Variants in ABI3BP observed in about 807,000 individuals in gnomAD.
The protein encoded by ABI3BP is ABI family member 3 binding protein, also known as target of Nesh-SH3.
Under a neutral mutation model 268.6 loss-of-function variants are expected in ABI3BP, and 216 were observed. That is an observed-to-expected ratio of 0.80 (90% CI 0.72 to 0.90). The LOEUF is 0.90. Among genes scored for constraint, ABI3BP ranks in the 40% least tolerant of loss-of-function variants. The pLI is 0.00. For synonymous variants in ABI3BP, 730 were observed against 730.0 expected (o/e 1.00, Z 0.00); for missense variants, 2,090 against 2,182.4 (o/e 0.96, Z 0.84).
intron 63 of ABI3BP, among the ~76,000 whole-genome samples, chr3:100,763,624 C>A (rs937754421): frequency 6.6e-6 from 1 of 151,982 alleles, no homozygotes; most frequent in African/African-American, 2.4e-5. Context: ...ATAAAGAGGG[C>A]CATACTGTCT....
chr3:100,752,691 C>G, intron 66 of ABI3BP, 96 bp downstream of exon 66: 2 of 1,356,278 alleles, frequency 1.5e-6, no homozygotes, highest in Non-Finnish European at 2.0e-6. Context: ...AGCACCCATT[C>G]GTGCCTGAAA....
At chr3:100,871,669 A>G (rs552903968) in intron 9 of ABI3BP, among the ~76,000 whole-genome samples, 44 of 152,302 alleles carry the variant, frequency 2.9e-4, no homozygotes, top group African/African-American at 1.1e-3. Flanking sequence ...CTTGCCTTCC[A>G]TCACGAATGT....
intron 50 of ABI3BP, among the ~76,000 whole-genome samples, chr3:100,805,750 G>C (rs2097688305): frequency 6.6e-6 from 1 of 151,938 alleles, no homozygotes; most frequent in Non-Finnish European, 1.5e-5. Flanking sequence ...CAGTTCTGCA[G>C]GTCAGATTTT....
At chr3:100,800,425 C>G (rs1376546172) in intron 51 of ABI3BP, among the ~76,000 whole-genome samples, 1 of 152,146 alleles carries the variant, frequency 6.6e-6, no homozygotes, top group African/African-American at 2.4e-5. Context: ...GTCTTCATCT[C>G]TCAATAATCT....
chr3:100,906,422 C>A (rs1420043086), intron 2 of ABI3BP, among the ~76,000 whole-genome samples: 1 of 152,118 alleles, frequency 6.6e-6, no homozygotes, highest in Admixed American at 6.5e-5. Flanking sequence ...AGTATTTGTG[C>A]TCTATTGGGG....
intron 1 of ABI3BP, among the ~76,000 whole-genome samples, chr3:100,976,947 G>A (rs1394163644): frequency 1.3e-5 from 2 of 152,242 alleles, no homozygotes; most frequent in African/African-American, 4.8e-5. Flanking sequence ...AAGGCCTCTG[G>A]AGATGTGGTC....
intron 4 of ABI3BP, among the ~76,000 whole-genome samples, chr3:100,889,163 C>A (rs2043314822): frequency 6.6e-6 from 1 of 152,094 alleles, no homozygotes; most frequent in Non-Finnish European, 1.5e-5. Flanking sequence ...TAAATTTCTG[C>A]ATTATACATT....
At chr3:100,872,246 A>AT (rs1425589282) in intron 9 of ABI3BP, among the ~76,000 whole-genome samples, 1 of 152,156 alleles carries the variant, frequency 6.6e-6, no homozygotes, top group Non-Finnish European at 1.5e-5. Flanking sequence ...ATTTGCATTT[A>AT]TTTTTTCTTT....
At chr3:100,864,298 A>G (rs2099028627) in intron 11 of ABI3BP, 5 of 531,146 alleles carry the variant, frequency 9.4e-6, no homozygotes, top group Admixed American at 3.2e-5. Context: ...ACATCAAATT[A>G]CAGAACAAAA....
intron 1 of ABI3BP, among the ~76,000 whole-genome samples, chr3:100,962,475 A>G (rs2079496662): frequency 1.3e-5 from 2 of 152,104 alleles, no homozygotes; most frequent in Non-Finnish European, 2.9e-5. Context: ...GTAACAAAAC[A>G]TTGTCCTCAT....
chr3:100,882,172 C>A (rs1043761599), intron 6 of ABI3BP, among the ~76,000 whole-genome samples: 2 of 152,096 alleles, frequency 1.3e-5, no homozygotes, highest in Non-Finnish European at 1.5e-5. Context: ...TTCAATGTGT[C>A]TTTTTGCTTG....
At chr3:100,976,520 G>A (rs568752607) in intron 1 of ABI3BP, among the ~76,000 whole-genome samples, 119 of 152,210 alleles carry the variant, frequency 7.8e-4, no homozygotes, top group Non-Finnish European at 1.5e-3. Flanking sequence ...CCTCTTGCTA[G>A]GATATAAATT....
In ABI3BP at chr3:100,842,597, TA is replaced by T. The variant is rs568085265; in HGVS notation, c.1724-559del. Among the ~76,000 whole-genome samples the T allele has an allele frequency of 4.0e-4, 61 of 152,358 alleles. No individual in the cohort carries two copies. The South Asian group carries it at 0.012, about 31-fold the overall frequency. On this transcript the variant is annotated intron_variant, in intron 20 of 67. Transcript: ENST00000471714. ...AACAAATTGGTTCACATATGAAACTTAACCCATTTGGACTGGTAAACCAATG... is the reference window on the plus strand; with the variant it reads ...AACAAATTGGTTCACATATGAAACTTACCCATTTGGACTGGTAAACCAATG...
Position 100,805,438 on chromosome 3 carries a change from A to G in ABI3BP, c.3683-572T>C, listed in dbSNP as rs544289627. Among the ~76,000 whole-genome samples, 4 of 152,222 alleles carry G rather than the reference A, an allele frequency of 2.6e-5. No individual in the cohort carries two copies. In the South Asian group the frequency reaches 8.3e-4, roughly 32 times the overall value. ...TGCTGACAACTAAAATTAGATTTCC[A>G]CAACTGTTCCTTGGGAATAATAAGG... On this transcript the variant is annotated intron_variant, in intron 50 of 67. Transcript: ENST00000471714.
At chr3:100,839,974 C>T in intron 23 of ABI3BP, 98 bp downstream of exon 23, 1 of 964,252 alleles carries the variant, frequency 1.0e-6, no homozygotes, top group Non-Finnish European at 1.6e-6. Context: ...GTCAATTCCA[C>T]TGGTTCCTAA....
At chr3:100,799,202 A>G (rs2097448716) in intron 51 of ABI3BP, among the ~76,000 whole-genome samples, 2 of 152,064 alleles carry the variant, frequency 1.3e-5, no homozygotes, top group South Asian at 2.1e-4. Flanking sequence ...AAAAAACTAT[A>G]TATCTGCCTT....
chr3:100,859,880 C>T (rs566512680), intron 14 of ABI3BP, among the ~76,000 whole-genome samples: 3 of 152,170 alleles, frequency 2.0e-5, no homozygotes, highest in South Asian at 2.1e-4. Flanking sequence ...TAAACTACAT[C>T]GATAAGGTAG....
intron 1 of ABI3BP, among the ~76,000 whole-genome samples, chr3:100,962,302 G>A (rs888802554): frequency 1.3e-5 from 2 of 152,134 alleles, no homozygotes; most frequent in African/African-American, 4.8e-5. Flanking sequence ...CTGCATAACA[G>A]GAATTGTCTG....
chr3:100,961,605 A>T (rs1003328964), intron 1 of ABI3BP, among the ~76,000 whole-genome samples: 1 of 152,212 alleles, frequency 6.6e-6, no homozygotes, highest in African/African-American at 2.4e-5. Flanking sequence ...TACTGCTACT[A>T]TGATGCAAAA....
Sources: gnomAD v4.1 joint callset for allele counts (sites outside exome capture counted in the v4.1 genomes callset) on GRCh38, gnomAD v4.1.1 for gene constraint, MANE v1.5 for transcripts, NCBI Gene and HGNC (gene_info 2026-07-23, HGNC 2026-07-21) for gene names.